TPO: variants seen among roughly 807,000 people sequenced by gnomAD.
The protein encoded by TPO is thyroid peroxidase, also known as thyroid microsomal antigen.
In TPO, 78 loss-of-function variants were observed where a neutral mutation model predicts 96.9. The observed-to-expected ratio is 0.81, with a 90% CI of 0.67 to 0.97. The LOEUF (loss-of-function observed/expected upper bound fraction) is 0.97. Among genes scored for constraint, TPO ranks in the 50% least tolerant of loss-of-function variants. The probability of loss-of-function intolerance (pLI) is 0.00; values close to 1 mark genes in which losing one functional copy is unlikely to be tolerated. For synonymous variants in TPO, 547 were observed against 538.0 expected, an observed-to-expected ratio of 1.02 and a Z score of -0.23; for missense variants, 1,252 against 1,274.8, an observed-to-expected ratio of 0.98 and a Z score of 0.27.
At chr2:1,395,092 G>C (rs922258862) in intron 1 of TPO, among the ~76,000 whole-genome samples, 1 of 152,074 alleles carries the variant, frequency 6.6e-6, no homozygotes, top group African/African-American at 2.4e-5. Flanking sequence ...TCCATTGCCT[G>C]TCAGTGCAAA....
At chr2:1,443,203 C>T (rs114324741) in intron 5 of TPO, among the ~76,000 whole-genome samples, 1,956 of 152,226 alleles carry the variant, frequency 0.013, 44 homozygotes, top group African/African-American at 0.045. Context: ...TAGGCAATGC[C>T]GCAGGAGGTA....
chr2:1,465,075 A>T (rs1668774304), intron 7 of TPO, among the ~76,000 whole-genome samples: 1 of 152,154 alleles, frequency 6.6e-6, no homozygotes, highest in African/African-American at 2.4e-5. Context: ...TTGTTTTTGT[A>T]TAAGGTGAGA....
At chr2:1,433,927 A>G (rs1246026032) in intron 4 of TPO, among the ~76,000 whole-genome samples, 1 of 152,170 alleles carries the variant, frequency 6.6e-6, no homozygotes, top group African/African-American at 2.4e-5. Context: ...CTCTTAGTTA[A>G]AACTTGGCAA....
At chr2:1,375,009 A>T (rs924376939) in intron 1 of TPO, among the ~76,000 whole-genome samples, 4 of 152,154 alleles carry the variant, frequency 2.6e-5, no homozygotes, top group Non-Finnish European at 5.9e-5. Flanking sequence ...GATTACAGGC[A>T]TGAACCACTG....
At chr2:1,424,167 C>A (rs1419712602) in intron 3 of TPO, among the ~76,000 whole-genome samples, 3 of 152,174 alleles carry the variant, frequency 2.0e-5, no homozygotes, top group Admixed American at 1.3e-4. Context: ...AGACATCAAT[C>A]AATACGTGTC....
chr2:1,399,113 T>TGCAGG (rs1455162320), intron 1 of TPO, among the ~76,000 whole-genome samples: 1 of 152,220 alleles, frequency 6.6e-6, no homozygotes, highest in Non-Finnish European at 1.5e-5. Flanking sequence ...CAGTTGTTTC[T>TGCAGG]GCAGGACAGG....
chr2:1,507,806 G>A (rs1346050859), intron 14 of TPO, among the ~76,000 whole-genome samples: 16 of 150,826 alleles, frequency 1.1e-4, no homozygotes, highest in Non-Finnish European at 2.4e-4. Flanking sequence ...GGGTTTTCTA[G>A]ATATACAATC....
intron 2 of TPO, among the ~76,000 whole-genome samples, chr2:1,422,344 C>CGACCTCGTGCAGACGCCTCTCCTGGACA (rs1663731491): frequency 3.9e-5 from 3 of 77,520 alleles, no homozygotes; most frequent in Admixed American, 3.5e-4. Flanking sequence ...TCTCCTGGAC[C>CGACCTCGTGCAGACGCCTCTCCTGGACA]GACCTCGTGC....
At chr2:1,473,794 A>G (rs1027644132) in intron 7 of TPO, among the ~76,000 whole-genome samples, 2 of 152,094 alleles carry the variant, frequency 1.3e-5, no homozygotes, top group South Asian at 2.1e-4. Flanking sequence ...CTCCATTACC[A>G]TTCATGGTAC....
At chr2:1,374,895 T>C (rs1378540090) in intron 1 of TPO, among the ~76,000 whole-genome samples, 1 of 150,616 alleles carries the variant, frequency 6.6e-6, no homozygotes. Context: ...CCCAGCTAAA[T>C]TTTTTTTGTA....
intron 14 of TPO, among the ~76,000 whole-genome samples, chr2:1,511,552 T>A (rs1287162846): frequency 6.6e-6 from 1 of 152,174 alleles, no homozygotes; most frequent in Admixed American, 6.5e-5. Flanking sequence ...ACAAGAGATT[T>A]CTCTCTCAGC....
chr2:1,434,295 A>G lies in TPO; in HGVS notation c.349+688A>G, dbSNP rs575369795. ...AATTTATCAAGAATTTTTTCTCTGC[A>G]GCGCCATGAGCTACTTGGCCTCTGA... On this transcript the variant is annotated intron_variant, in intron 4 of 16. Coordinates refer to ENST00000329066, the MANE Select transcript of TPO (RefSeq NM_001206744.2). 4.6e-5 allele frequency among the ~76,000 whole-genome samples: 7 copies of G among 152,342 alleles called. No homozygotes were observed. The South Asian group carries it at 1.4e-3, about 32-fold the overall frequency.
chr2:1,495,240 T>C (rs1473493604), intron 11 of TPO, among the ~76,000 whole-genome samples: 1 of 152,214 alleles, frequency 6.6e-6, no homozygotes, highest in Non-Finnish European at 1.5e-5. Context: ...TGGGGCCTCT[T>C]TTTCATGTTC....
At chr2:1,476,929 G>C (rs988919723) in intron 7 of TPO, among the ~76,000 whole-genome samples, 157 bp from the exon 8 acceptor site, 4 of 152,138 alleles carry the variant, frequency 2.6e-5, no homozygotes, top group South Asian at 2.1e-4. Flanking sequence ...CAGGCCGGGG[G>C]GGGAGGTGAG....
chr2:1,398,283 G>A (rs966655534), intron 1 of TPO, among the ~76,000 whole-genome samples: 7 of 152,172 alleles, frequency 4.6e-5, no homozygotes, highest in African/African-American at 1.4e-4. Context: ...CCTGCAGGCA[G>A]CCTGGGGCCC....
At chr2:1,487,410 T>A (rs1374772592) in intron 9 of TPO, among the ~76,000 whole-genome samples, 1 of 152,150 alleles carries the variant, frequency 6.6e-6, no homozygotes, top group Non-Finnish European at 1.5e-5. Context: ...GCTGAATTCA[T>A]GAACTTACAC....
At chr2:1,416,560 C>G (rs539094150) in intron 2 of TPO, among the ~76,000 whole-genome samples, 1 of 152,196 alleles carries the variant, frequency 6.6e-6, no homozygotes, top group African/African-American at 2.4e-5. Context: ...TTGACCTTTT[C>G]GTTTTGCTTA....
intron 10 of TPO, 118 bp from the exon 11 acceptor site, chr2:1,493,684 G>T (rs1338273918): frequency 8.3e-7 from 1 of 1,201,266 alleles, no homozygotes; most frequent in East Asian, 2.4e-5. Context: ...AGTGTCACAG[G>T]GTGGGACAGG....
chr2:1,499,741 C>G (rs1373642558), intron 13 of TPO, among the ~76,000 whole-genome samples: 7 of 152,302 alleles, frequency 4.6e-5, no homozygotes, highest in African/African-American at 1.7e-4. Flanking sequence ...ATCGGCCAAC[C>G]CTAACTCATC....
Sources: allele counts gnomAD v4.1 joint callset (sites outside exome capture counted in the v4.1 genomes callset), GRCh38; gene constraint gnomAD v4.1.1; transcripts MANE v1.5; gene names NCBI Gene and HGNC (gene_info 2026-07-23, HGNC 2026-07-21).